Variants in EIF4G3 observed in about 807,000 individuals in gnomAD.
The protein encoded by EIF4G3 is eIF-4-gamma 3.
Under a neutral mutation model 186.4 loss-of-function variants are expected in EIF4G3, and 34 were observed. That is an observed-to-expected ratio of 0.18 (90% confidence interval 0.14 to 0.24). The LOEUF (loss-of-function observed/expected upper bound fraction) is 0.24. EIF4G3 is among the 10% of genes least tolerant of loss of function. The pLI is 1.00. For missense variants in EIF4G3, 1,536 were observed against 1,948.5 expected (o/e 0.79, Z 3.99); for synonymous variants, 673 against 679.5 (o/e 0.99, Z 0.15).
chr1:21,133,094 C>A lies in EIF4G3; in HGVS notation c.-272+43081G>T, dbSNP rs554224441. ...CAATCATGCCCGGCCCCAAATTTTT[C>A]ATTATGAACATTTACTACATTTGTT... On this transcript the variant is annotated intron_variant, in intron 2 of 36. Transcript: ENST00000602326. 3.2e-4 allele frequency among the ~76,000 whole-genome samples: 49 copies of A among 151,984 alleles called. No individual in the cohort carries two copies. The East Asian group carries it at 7.4e-3, about 23-fold the overall frequency.
chr1:21,125,799 CACACACTCT>C (rs918069283), intron 2 of EIF4G3, among the ~76,000 whole-genome samples: 5 of 131,662 alleles, frequency 3.8e-5, no homozygotes, highest in Admixed American at 8.1e-5. Flanking sequence ...CACACACACA[CACACACTCT>C]TATTAGGCAC....
At chr1:20,872,921 G>A (rs151059981) in intron 20 of EIF4G3, among the ~76,000 whole-genome samples, 6 of 152,074 alleles carry the variant, frequency 3.9e-5, no homozygotes, top group African/African-American at 1.4e-4. Flanking sequence ...ATTTTTAGTA[G>A]AGATGGGGTT....
chr1:21,158,514 G>A (rs1335935098), intron 2 of EIF4G3, among the ~76,000 whole-genome samples: 3 of 152,070 alleles, frequency 2.0e-5, no homozygotes, highest in Non-Finnish European at 4.4e-5. Flanking sequence ...TATTTTTAAA[G>A]TGCTTATGAA....
At position 21,176,765 on chromosome 1, in the gene EIF4G3, A is replaced by T. The variant is rs1002999290; in HGVS notation, c.-499T>A. On this transcript the variant is annotated 5_prime_UTR_variant, in exon 1 of 37. An upstream open reading frame in the 5' UTR loses its in-frame stop. Coordinates refer to ENST00000602326, the MANE Select transcript of EIF4G3 (RefSeq NM_001391906.1). ...CATGGGCCGGCGGCGGGGGATCTTT[A>T]TCCCCCTCCCCGGAGGAAGCGGCGC... 16 of 698,986 alleles carry T rather than the reference A, an allele frequency of 2.3e-5. No homozygotes were observed. Among genetic ancestry groups the T allele is most frequent in the Non-Finnish European group, 3.9e-5 (15 of 383,538 alleles). The allele number at this position is 698,986 out of a possible 1,614,324, so 43.3% of individuals were successfully genotyped here. A position where few individuals can be genotyped will look rare whatever the true frequency, so the allele number is the denominator to read the frequency against.
intron 31 of EIF4G3, 70 bp from the exon 32 acceptor site, chr1:20,827,768 A>C: frequency 9.4e-7 from 1 of 1,062,560 alleles, no homozygotes; most frequent in Non-Finnish European, 1.4e-6. Flanking sequence ...GAGGCAAACA[A>C]TGTGTGACCA....
intron 2 of EIF4G3, among the ~76,000 whole-genome samples, chr1:21,156,139 A>AC (rs1170509515): frequency 1.3e-5 from 2 of 149,382 alleles, no homozygotes; most frequent in East Asian, 2.1e-4. Context: ...AAAAAAAAAA[A>AC]AACAACAAAA....
At chr1:21,041,102 ACT>A (rs1160822473) in intron 4 of EIF4G3, among the ~76,000 whole-genome samples, 58 of 152,238 alleles carry the variant, frequency 3.8e-4, no homozygotes, top group African/African-American at 1.4e-3. Context: ...ATTTAATTCG[ACT>A]ACATTTTAAT....
chr1:21,035,148 C>CT (rs2093076030), intron 4 of EIF4G3, among the ~76,000 whole-genome samples: 1 of 152,202 alleles, frequency 6.6e-6, no homozygotes. Flanking sequence ...GTAGGACCCA[C>CT]TCCCAGGCCT....
intron 2 of EIF4G3, among the ~76,000 whole-genome samples, chr1:21,143,939 T>TA (rs2097388468): frequency 6.6e-6 from 1 of 152,096 alleles, no homozygotes. Context: ...AGAAAAAACT[T>TA]ATTTATAAAA....
intron 4 of EIF4G3, among the ~76,000 whole-genome samples, chr1:21,014,020 A>G (rs2088034273): frequency 6.6e-6 from 1 of 152,192 alleles, no homozygotes; most frequent in Non-Finnish European, 1.5e-5. Flanking sequence ...AAATATAAAA[A>G]TTAGCTGGGC....
intron 17 of EIF4G3, 49 bp from the exon 18 acceptor site, chr1:20,893,685 C>T (rs369537932): frequency 1.5e-4 from 217 of 1,436,246 alleles, no homozygotes; most frequent in Non-Finnish European, 1.9e-4. Flanking sequence ...AGAGCATTCC[C>T]TGCCACAAAA....
At chr1:21,171,714 A>G (rs1358445549) in intron 2 of EIF4G3, among the ~76,000 whole-genome samples, 1 of 152,210 alleles carries the variant, frequency 6.6e-6, no homozygotes, top group Non-Finnish European at 1.5e-5. Context: ...TTATAATTCA[A>G]GAAGGTCACT....
chr1:20,811,020 G>T, intron 35 of EIF4G3, 136 bp from the exon 36 acceptor site: 2 of 777,974 alleles, frequency 2.6e-6, no homozygotes, highest in African/African-American at 1.8e-5. Flanking sequence ...CACAATCTAA[G>T]CTCACTGCAA....
chr1:20,975,355 C>A, intron 10 of EIF4G3, among the ~76,000 whole-genome samples: 4 of 145,556 alleles, frequency 2.7e-5, no homozygotes, highest in Non-Finnish European at 3.0e-5. Flanking sequence ...AAATAAGATC[C>A]AAAAGGTGAT....
At chr1:21,154,759 A>T (rs777703734) in intron 2 of EIF4G3, among the ~76,000 whole-genome samples, 1 of 152,208 alleles carries the variant, frequency 6.6e-6, no homozygotes, top group Non-Finnish European at 1.5e-5. Flanking sequence ...CTATGTATCT[A>T]TGCATCTATG....
chr1:20,925,390 A>T (rs77157073), intron 14 of EIF4G3, among the ~76,000 whole-genome samples: 4,434 of 152,292 alleles, frequency 0.029, 143 homozygotes, highest in East Asian at 0.14. Flanking sequence ...ACTAATATAA[A>T]TTATGACAGT....
intron 2 of EIF4G3, among the ~76,000 whole-genome samples, chr1:21,133,412 A>C (rs2097188181): frequency 6.6e-6 from 1 of 151,822 alleles, no homozygotes; most frequent in African/African-American, 2.4e-5. Context: ...TTTTTAGTAA[A>C]GACAGGGTTT....
chr1:20,848,303 T>C (rs570706668), intron 29 of EIF4G3, among the ~76,000 whole-genome samples: 29 of 152,298 alleles, frequency 1.9e-4, no homozygotes, highest in South Asian at 8.3e-4. Context: ...TTTAATAATA[T>C]AGTGCCAAAG....
intron 2 of EIF4G3, among the ~76,000 whole-genome samples, chr1:21,095,872 T>C (rs1037997781): frequency 6.6e-6 from 1 of 151,986 alleles, no homozygotes; most frequent in East Asian, 1.9e-4. Context: ...CTACACAAGA[T>C]AAAAATACAC....
Sources: gnomAD v4.1 joint callset for allele counts (sites outside exome capture counted in the v4.1 genomes callset) on GRCh38, gnomAD v4.1.1 for gene constraint, MANE v1.5 for transcripts, NCBI Gene and HGNC (gene_info 2026-07-23, HGNC 2026-07-21) for gene names.